The following SNX29 variants were observed in gnomAD, a reference collection of about 807,000 sequenced individuals.
SNX29 encodes sorting nexin 29.
A neutral mutation model predicts 102.1 loss-of-function variants in SNX29; 78 were observed. The observed-to-expected ratio is 0.76, with a 90% CI of 0.64 to 0.92. SNX29 has a LOEUF of 0.92. SNX29 is among the 40% of genes least tolerant of loss of function. The pLI is 0.00. For missense variants in SNX29, 1,280 were observed against 1,061.7 expected, an observed-to-expected ratio of 1.21 and a Z score of -2.86; for synonymous variants, 580 against 414.5, an observed-to-expected ratio of 1.40 and a Z score of -4.85.
intron 15 of SNX29, among the ~76,000 whole-genome samples, chr16:12,325,503 T>C (rs986854487): frequency 6.6e-6 from 1 of 152,214 alleles, no homozygotes; most frequent in Non-Finnish European, 1.5e-5. Context: ...ACAAGCATTT[T>C]ATAAAAGCAA....
intron 18 of SNX29, among the ~76,000 whole-genome samples, chr16:12,471,536 C>G (rs1423090191): frequency 6.6e-6 from 1 of 152,170 alleles, no homozygotes; most frequent in East Asian, 1.9e-4. Context: ...TGGGCTCCCT[C>G]CCGATGCTGA....
intron 11 of SNX29, among the ~76,000 whole-genome samples, chr16:12,109,739 T>TC (rs2053427183): frequency 6.7e-6 from 1 of 149,248 alleles, no homozygotes; most frequent in Admixed American, 6.7e-5. Context: ...GCCCTCATCT[T>TC]TTTTTTTTTG....
Position 12,129,696 on chromosome 16 carries a change from C to T in SNX29, c.1533C>T (p.Thr511=). 1 of 1,610,982 alleles carries T rather than the reference C, an allele frequency of 6.2e-7. No homozygotes were observed. The highest frequency in any genetic ancestry group is 2.2e-5 in the East Asian group (1 of 44,848). The change falls in exon 13 of 21, where the codon ACC becomes ACT. Residue 511 remains threonine (T), a synonymous_variant. Coordinates refer to ENST00000566228, the MANE Select transcript of SNX29 (RefSeq NM_032167.5). ...HSAALRQEVD[T]LKRKVAEQEE... is the part of the protein sequence containing the mutation. ...CCGCGCTCCGGCAAGAGGTGGACAC[C>T]TTGAAAAGGAAGGTGGCTGAACAGG...
chr16:12,338,759 ATC>A (rs759416361), intron 15 of SNX29, among the ~76,000 whole-genome samples: 1 of 152,062 alleles, frequency 6.6e-6, no homozygotes, highest in East Asian at 1.9e-4. Flanking sequence ...ACTCTATGGA[ATC>A]TCTCCCTGCA....
At chr16:12,481,455 C>CACACACATATATACATAT (rs2087911299) in intron 19 of SNX29, among the ~76,000 whole-genome samples, 1 of 117,858 alleles carries the variant, frequency 8.5e-6, no homozygotes, top group South Asian at 3.3e-4. Flanking sequence ...CACATATATA[C>CACACACATATATACATAT]ATATATATAT....
chr16:12,306,264 G>C (rs1041271285), intron 15 of SNX29, among the ~76,000 whole-genome samples: 5 of 151,980 alleles, frequency 3.3e-5, no homozygotes, highest in African/African-American at 1.2e-4. Flanking sequence ...AACCACTGTG[G>C]GTCTACATTT....
intron 18 of SNX29, among the ~76,000 whole-genome samples, chr16:12,417,630 T>C (rs1427142610): frequency 1.3e-5 from 2 of 152,056 alleles, no homozygotes; most frequent in African/African-American, 4.8e-5. Flanking sequence ...CTGTTCCTTG[T>C]CATTCCTTTT....
chr16:12,072,533 A>G (rs367651987), intron 10 of SNX29, among the ~76,000 whole-genome samples: 1 of 152,186 alleles, frequency 6.6e-6, no homozygotes, highest in African/African-American at 2.4e-5. Flanking sequence ...CGATCATGGT[A>G]GATAAGCTTT....
chr16:12,374,044 T>TG (rs2082783374), intron 16 of SNX29: 1 of 152,228 alleles, frequency 6.6e-6, no homozygotes, highest in Non-Finnish European at 1.5e-5. Flanking sequence ...AAGCTAATGG[T>TG]GGAGGAGCAA....
intron 20 of SNX29, among the ~76,000 whole-genome samples, chr16:12,526,330 T>C (rs1283954679): frequency 6.6e-6 from 1 of 152,122 alleles, no homozygotes; most frequent in Non-Finnish European, 1.5e-5. Context: ...TGCCCAGCGG[T>C]ACCATCCAGA....
chr16:12,044,536 A>G (rs1331356086), intron 5 of SNX29, among the ~76,000 whole-genome samples: 1 of 152,168 alleles, frequency 6.6e-6, no homozygotes, highest in African/African-American at 2.4e-5. Flanking sequence ...CTGGATCTCT[A>G]GGGCATTAAC....
intron 18 of SNX29, among the ~76,000 whole-genome samples, chr16:12,423,409 C>T (rs1395183245): frequency 6.6e-6 from 1 of 152,110 alleles, no homozygotes; most frequent in Non-Finnish European, 1.5e-5. Flanking sequence ...GAAGCTGCAG[C>T]CGGCATCACT....
Position 12,571,234 on chromosome 16 carries a change from A to T in SNX29, c.*2605A>T, listed in dbSNP as rs2079181013. The T allele has an allele frequency of 8.6e-6, 2 of 232,236 alleles. No homozygotes were observed. Among genetic ancestry groups the T allele is most frequent in the East Asian group, 1.2e-4 (2 of 16,458 alleles). 14.4% of individuals were successfully genotyped at this position (232,236 alleles called of 1,614,324 possible). ...GGCAGGGTTCCCAGTTCCTGGAGTT[A>T]TGGAGCAGAAACACCCAGGCCTAGC... On this transcript the variant is annotated 3_prime_UTR_variant, in exon 21 of 21. Transcript: ENST00000566228.
intron 15 of SNX29, among the ~76,000 whole-genome samples, chr16:12,338,640 C>T (rs2081523444): frequency 6.6e-6 from 1 of 152,224 alleles, no homozygotes; most frequent in Non-Finnish European, 1.5e-5. Flanking sequence ...TCTCCCAGAA[C>T]ACACAGCCCA....
intron 19 of SNX29, among the ~76,000 whole-genome samples, chr16:12,484,505 G>A (rs915031385): frequency 1.3e-5 from 2 of 152,110 alleles, no homozygotes; most frequent in African/African-American, 4.8e-5. Context: ...TACTTACAAT[G>A]GGGACTCGTT....
intron 15 of SNX29, among the ~76,000 whole-genome samples, chr16:12,354,744 CTG>C: frequency 6.6e-6 from 1 of 152,238 alleles, no homozygotes; most frequent in East Asian, 1.9e-4. Flanking sequence ...ATTAGCAGTA[CTG>C]TGTTTGTTTG....
intron 15 of SNX29, among the ~76,000 whole-genome samples, chr16:12,341,033 G>A (rs1321477980): frequency 2.0e-5 from 3 of 152,178 alleles, no homozygotes; most frequent in East Asian, 1.9e-4. Context: ...TTGAAGAGAC[G>A]TGATGATTAC....
rs982560046 is a variant in SNX29 at position 12,238,240 on chromosome 16, G to A, written c.1678+38557G>A. Among the ~76,000 whole-genome samples, 4 of 151,582 alleles carry A rather than the reference G, an allele frequency of 2.6e-5. No individual in the cohort carries two copies. In the South Asian group the frequency reaches 6.2e-4, roughly 24 times the overall value. ...TACCCAGAACCTTATTTGTGAAAGG[G>A]AGGAAATTAAGGGGTAAGAAGGCCT... On this transcript the variant is annotated intron_variant, in intron 14 of 20. Coordinates refer to ENST00000566228, the MANE Select transcript of SNX29 (RefSeq NM_032167.5).
intron 15 of SNX29, among the ~76,000 whole-genome samples, chr16:12,350,897 G>C (rs1049669477): frequency 6.6e-6 from 1 of 152,168 alleles, no homozygotes; most frequent in Admixed American, 6.5e-5. Context: ...CTAGTGATCA[G>C]CTTGGGTTGG....
Sources: gnomAD v4.1 joint callset for allele counts (sites outside exome capture counted in the v4.1 genomes callset) on GRCh38, gnomAD v4.1.1 for gene constraint, MANE v1.5 for transcripts, NCBI Gene and HGNC (gene_info 2026-07-23, HGNC 2026-07-21) for gene names.